NRXN1: variants seen among roughly 807,000 people sequenced by gnomAD.
The protein encoded by NRXN1 is neurexin 1.
NRXN1 carries 39 observed loss-of-function variants against 150.9 expected under a neutral mutation model. The observed-to-expected ratio is 0.26, with a 90% CI of 0.20 to 0.34. The LOEUF (loss-of-function observed/expected upper bound fraction) is 0.34. NRXN1 is among the 10% of genes least tolerant of loss of function. The pLI, the probability that NRXN1 is intolerant of heterozygous loss-of-function variation, is 1.00. For missense variants in NRXN1, 1,815 were observed against 1,949.9 expected (o/e 0.93, Z 1.30); for synonymous variants, 924 against 757.0 (o/e 1.22, Z -3.62).
chr2:50,725,074 A>G (rs1460183314), intron 5 of NRXN1, among the ~76,000 whole-genome samples: 1 of 151,228 alleles, frequency 6.6e-6, no homozygotes, highest in East Asian at 1.9e-4. Flanking sequence ...GGATTTGCAC[A>G]TTCAGATTTA....
intron 17 of NRXN1, among the ~76,000 whole-genome samples, chr2:50,447,650 A>G (rs529258918): frequency 2.1e-3 from 306 of 144,338 alleles, no homozygotes; most frequent in African/African-American, 7.6e-3. Context: ...CTTGGTTTCT[A>G]TTAAAAATGC....
At chr2:50,787,738 A>G (rs982711174) in intron 5 of NRXN1, among the ~76,000 whole-genome samples, 2 of 151,636 alleles carry the variant, frequency 1.3e-5, no homozygotes, top group South Asian at 4.2e-4. Context: ...TCAGGGCTTT[A>G]TAACAACCCT....
intron 17 of NRXN1, among the ~76,000 whole-genome samples, chr2:50,356,943 T>A (rs2078859532): frequency 6.6e-6 from 1 of 152,150 alleles, no homozygotes; most frequent in South Asian, 2.1e-4. Context: ...AGATTTTTTT[T>A]TAATCAAATA....
Position 50,029,947 on chromosome 2 carries a change from T to A in NRXN1, c.4128+23324A>T, listed in dbSNP as rs193185174. On this transcript the variant is annotated intron_variant, in intron 21 of 22. Coordinates refer to ENST00000401669, the MANE Select transcript of NRXN1 (RefSeq NM_001330078.2). The stretch of plus-strand genomic sequence containing the variant: ...AATAAAATATAAAATGCCAGCTCCA[T>A]GCCAAAATATAAAATAAAATAAAAT... Among the ~76,000 whole-genome samples the A allele has an allele frequency of 6.6e-5, 10 of 152,224 alleles. No individual in the cohort carries two copies. In the East Asian group the frequency reaches 1.5e-3, roughly 24 times the overall value.
chr2:50,811,668 C>G (rs1474469891), intron 5 of NRXN1, among the ~76,000 whole-genome samples: 1 of 152,080 alleles, frequency 6.6e-6, no homozygotes, highest in Non-Finnish European at 1.5e-5. Context: ...AAAAGACATA[C>G]AAAGATTTAT....
At chr2:50,956,775 C>T (rs988204698) in intron 2 of NRXN1, among the ~76,000 whole-genome samples, 2 of 151,768 alleles carry the variant, frequency 1.3e-5, no homozygotes, top group Non-Finnish European at 1.5e-5. Flanking sequence ...CAAGATTTAA[C>T]ATTTATAGAG....
At chr2:50,359,172 G>A (rs1172128889) in intron 17 of NRXN1, among the ~76,000 whole-genome samples, 1 of 152,018 alleles carries the variant, frequency 6.6e-6, no homozygotes, top group African/African-American at 2.4e-5. Flanking sequence ...AAGAGGCTGA[G>A]AATTTCAAAA....
intron 19 of NRXN1, among the ~76,000 whole-genome samples, chr2:50,086,821 TGA>T (rs3046671): frequency 0.38 from 53,474 of 142,474 alleles, 9,687 homozygotes; most frequent in African/African-American, 0.41. Context: ...CAGAGAAGAA[TGA>T]GAGAGAGAGA....
intron 5 of NRXN1, chr2:50,919,951 C>T (rs1685755524): frequency 1.8e-5 from 6 of 339,460 alleles, no homozygotes; most frequent in Non-Finnish European, 1.3e-5. Flanking sequence ...TCTGTGGATG[C>T]CATGTCATAG....
intron 5 of NRXN1, among the ~76,000 whole-genome samples, chr2:50,877,379 G>A (rs1197642395): frequency 6.6e-6 from 1 of 151,894 alleles, no homozygotes; most frequent in Non-Finnish European, 1.5e-5. Context: ...AAGATGGTAA[G>A]GAGATTAGTT....
At position 50,222,604 on chromosome 2, in the gene NRXN1, C is replaced by G. The variant is rs566869503; in HGVS notation, c.3546+14185G>C. On this transcript the variant is annotated intron_variant, in intron 18 of 22. Coordinates refer to ENST00000401669, the MANE Select transcript of NRXN1 (RefSeq NM_001330078.2). The stretch of plus-strand genomic sequence containing the variant: ...TTTAAAATGTTATCCATTTGTAATA[C>G]TTAAAATGCTGAAAAAATTAAAATA... Among the ~76,000 whole-genome samples, 15 of 151,906 alleles carry G rather than the reference C, an allele frequency of 9.9e-5. No individual in the cohort carries two copies. In the Middle Eastern group the frequency reaches 0.017, roughly 173 times the overall value.
intron 21 of NRXN1, among the ~76,000 whole-genome samples, chr2:50,037,450 G>A (rs766799830): frequency 5.9e-5 from 9 of 152,046 alleles, no homozygotes; most frequent in Non-Finnish European, 1.3e-4. Flanking sequence ...GGAATAAATT[G>A]AAATAGGATA....
intron 17 of NRXN1, among the ~76,000 whole-genome samples, chr2:50,300,043 A>G (rs1039384457): frequency 6.6e-6 from 1 of 152,220 alleles, no homozygotes; most frequent in African/African-American, 2.4e-5. Context: ...AATAGAAGGT[A>G]GAGGGAAGAA....
chr2:50,373,679 A>AAAGAAAAGAAAGAAAGAAAG (rs1553513456), intron 17 of NRXN1, among the ~76,000 whole-genome samples: 2 of 65,638 alleles, frequency 3.0e-5, no homozygotes, highest in African/African-American at 1.2e-4. Flanking sequence ...AGAAAGAAAG[A>AAAGAAAAGAAAGAAAGAAAG]AAAGAAAGAA....
At chr2:50,634,689 T>C (rs959857174) in intron 5 of NRXN1, among the ~76,000 whole-genome samples, 1 of 152,318 alleles carries the variant, frequency 6.6e-6, no homozygotes, top group Admixed American at 6.5e-5. Flanking sequence ...TCATCATTTT[T>C]AGTTGAAGTG....
At chr2:50,522,235 T>C (rs2092808409) in intron 12 of NRXN1, among the ~76,000 whole-genome samples, 1 of 152,178 alleles carries the variant, frequency 6.6e-6, no homozygotes, top group Non-Finnish European at 1.5e-5. Context: ...AACTCCCTTT[T>C]CACAGAAACT....
At chr2:49,980,132 G>C (rs958406689) in intron 21 of NRXN1, among the ~76,000 whole-genome samples, 3 of 152,104 alleles carry the variant, frequency 2.0e-5, no homozygotes, top group African/African-American at 7.2e-5. Flanking sequence ...GCTAGCAACT[G>C]AAAGTCTACG....
chr2:50,421,355 A>T (rs1259737268), intron 17 of NRXN1, among the ~76,000 whole-genome samples: 1 of 152,112 alleles, frequency 6.6e-6, no homozygotes, highest in African/African-American at 2.4e-5. Context: ...ATGGAGCGAC[A>T]TTAAAATATA....
intron 17 of NRXN1, among the ~76,000 whole-genome samples, chr2:50,326,483 G>A (rs577145503): frequency 6.6e-6 from 1 of 152,190 alleles, no homozygotes; most frequent in East Asian, 1.9e-4. Flanking sequence ...AAAATTGCGG[G>A]CTGGCAGCTG....
Sources: gnomAD v4.1 joint callset for allele counts (sites outside exome capture counted in the v4.1 genomes callset) on GRCh38, gnomAD v4.1.1 for gene constraint, MANE v1.5 for transcripts, NCBI Gene and HGNC (gene_info 2026-07-23, HGNC 2026-07-21) for gene names.